The following METTL15 variants were observed in gnomAD, a reference collection of about 807,000 sequenced individuals.
The protein encoded by METTL15 is 12S rRNA N(4)-cytidine methyltransferase METTL15.
A neutral mutation model predicts 38.3 loss-of-function variants in METTL15; 34 were observed. That is an observed-to-expected ratio of 0.89 (90% CI 0.68 to 1.18). The LOEUF is 1.18. Ranked by LOEUF, METTL15 falls within the 50% of genes most tolerant of loss-of-function variation. METTL15 has a pLI of 0.00. For missense variants in METTL15, 438 were observed against 498.4 expected (o/e 0.88, Z 1.15); for synonymous variants, 162 against 170.9 (o/e 0.95, Z 0.41).
chr11:28,178,670 CTGTA>C lies in METTL15; in HGVS notation c.271-32388_271-32385del, dbSNP rs1465063320. 4.0e-5 allele frequency among the ~76,000 whole-genome samples: 6 copies of C among 151,794 alleles called. No homozygotes were observed. In the East Asian group the frequency reaches 7.7e-4, roughly 20 times the overall value. On this transcript the variant is annotated intron_variant, in intron 3 of 6. Transcript: ENST00000407364. ...TGAAGTGTAACATTTAATCATTTGT[CTGTA>C]TGTGTTACTTTTTAATAGTCCCATT...
chr11:28,177,038 A>G (rs1851103320), intron 3 of METTL15, among the ~76,000 whole-genome samples: 1 of 152,034 alleles, frequency 6.6e-6, no homozygotes, highest in Non-Finnish European at 1.5e-5. Flanking sequence ...TGGATACACT[A>G]GAAGGACAGT....
intron 2 of METTL15, among the ~76,000 whole-genome samples, chr11:28,111,089 G>A (rs1293695547): frequency 6.6e-6 from 1 of 152,114 alleles, no homozygotes; most frequent in Non-Finnish European, 1.5e-5. Flanking sequence ...TTTTAGGGAG[G>A]TATTGCAGGA....
chr11:28,329,842 G>T (rs923631628), intron 6 of METTL15, among the ~76,000 whole-genome samples: 2 of 151,942 alleles, frequency 1.3e-5, no homozygotes, highest in Non-Finnish European at 2.9e-5. Flanking sequence ...AGTAGACTTA[G>T]CCTTCTTCGT....
intron 6 of METTL15, among the ~76,000 whole-genome samples, chr11:28,486,459 A>C (rs1851440241): frequency 6.6e-6 from 1 of 152,032 alleles, no homozygotes; most frequent in Non-Finnish European, 1.5e-5. Flanking sequence ...TTCTAGAGAA[A>C]TTGGCAGGCC....
intron 6 of METTL15, among the ~76,000 whole-genome samples, chr11:28,508,763 C>A (rs1163644628): frequency 6.6e-6 from 1 of 152,176 alleles, no homozygotes; most frequent in African/African-American, 2.4e-5. Flanking sequence ...TAAGAATGGG[C>A]TACCAATACC....
chr11:28,505,234 G>C (rs1240245493), intron 6 of METTL15, among the ~76,000 whole-genome samples: 1 of 152,096 alleles, frequency 6.6e-6, no homozygotes, highest in Non-Finnish European at 1.5e-5. Flanking sequence ...CTTGAATGAA[G>C]ATCTATCACT....
chr11:28,398,780 T>C (rs1018217155), intron 5 of METTL15: 1 of 151,998 alleles, frequency 6.6e-6, no homozygotes, highest in Non-Finnish European at 1.5e-5. Context: ...GCCTCTGTTT[T>C]CTTCTAGGGT....
At chr11:28,161,012 G>T in intron 3 of METTL15, among the ~76,000 whole-genome samples, 1 of 149,300 alleles carries the variant, frequency 6.7e-6, no homozygotes, top group Admixed American at 6.7e-5. Context: ...AGCTGTAATT[G>T]AAAGAAATAA....
chr11:28,399,390 C>G (rs1377912536), intron 5 of METTL15, among the ~76,000 whole-genome samples: 1 of 151,932 alleles, frequency 6.6e-6, no homozygotes, highest in Non-Finnish European at 1.5e-5. Flanking sequence ...ATTTCATTCT[C>G]TTTTACCTGC....
At chr11:28,396,805 A>C (rs1850574550) in intron 5 of METTL15, among the ~76,000 whole-genome samples, 1 of 152,212 alleles carries the variant, frequency 6.6e-6, no homozygotes, top group Admixed American at 6.5e-5. Flanking sequence ...GCAAAAGAAG[A>C]AAGCTGGAGG....
At chr11:28,269,847 A>T (rs895514249) in intron 4 of METTL15, among the ~76,000 whole-genome samples, 1 of 152,240 alleles carries the variant, frequency 6.6e-6, no homozygotes, top group Admixed American at 6.5e-5. Flanking sequence ...GCCAGCTTAC[A>T]TGCTGATCTC....
chr11:28,303,888 A>G (rs530472545), intron 6 of METTL15, among the ~76,000 whole-genome samples: 114 of 152,286 alleles, frequency 7.5e-4, no homozygotes, highest in African/African-American at 2.6e-3. Context: ...AGGACATGGA[A>G]TCAAAAATTC....
At chr11:28,336,695 G>A (rs964156317), downstream of METTL15, among the ~76,000 whole-genome samples, 2 of 152,132 alleles carry the variant, frequency 1.3e-5, no homozygotes, top group Non-Finnish European at 2.9e-5. Context: ...TAACATCACA[G>A]GGCAACGTAA....
chr11:28,205,405 T>C (rs1259567067), intron 3 of METTL15, among the ~76,000 whole-genome samples: 4 of 152,042 alleles, frequency 2.6e-5, no homozygotes, highest in African/African-American at 9.7e-5. Flanking sequence ...TAATTTCCAA[T>C]TTCATCCATG....
At chr11:28,189,011 G>A (rs1851607523) in intron 3 of METTL15, among the ~76,000 whole-genome samples, 1 of 151,252 alleles carries the variant, frequency 6.6e-6, no homozygotes, top group African/African-American at 2.4e-5. Flanking sequence ...TGTTCAATGT[G>A]TGATGTAGGT....
At chr11:28,503,704 T>C (rs1318044986) in intron 6 of METTL15, among the ~76,000 whole-genome samples, 3 of 151,424 alleles carry the variant, frequency 2.0e-5, no homozygotes, top group Non-Finnish European at 4.4e-5. Flanking sequence ...GGCAGGAGAA[T>C]TGCTTGAACC....
At chr11:28,217,630 A>G (rs531572817) in intron 4 of METTL15, among the ~76,000 whole-genome samples, 187 of 152,090 alleles carry the variant, frequency 1.2e-3, no homozygotes, top group Non-Finnish European at 2.1e-3. Flanking sequence ...TGAAATCCTT[A>G]CCCATGCCTA....
intron 3 of METTL15, among the ~76,000 whole-genome samples, chr11:28,182,329 C>T (rs1255981621): frequency 6.6e-6 from 1 of 151,938 alleles, no homozygotes; most frequent in African/African-American, 2.4e-5. Context: ...AAGTCTTTGC[C>T]CTTGCCTATG....
At chr11:28,204,271 C>G (rs985377894) in intron 3 of METTL15, among the ~76,000 whole-genome samples, 4 of 151,824 alleles carry the variant, frequency 2.6e-5, no homozygotes, top group Non-Finnish European at 5.9e-5. Flanking sequence ...TTATGTCTTA[C>G]ATTTTTTGTT....
Sources: gnomAD v4.1 joint callset for allele counts (sites outside exome capture counted in the v4.1 genomes callset) on GRCh38, gnomAD v4.1.1 for gene constraint, MANE v1.5 for transcripts, NCBI Gene and HGNC (gene_info 2026-07-23, HGNC 2026-07-21) for gene names.